PAXBP1: variants seen among roughly 807,000 people sequenced by gnomAD.
PAXBP1 encodes PAX3- and PAX7-binding protein 1.
Under a neutral mutation model 119.9 loss-of-function variants are expected in PAXBP1, and 44 were observed. The observed-to-expected ratio is 0.37, with a 90% confidence interval of 0.29 to 0.47. PAXBP1 has a LOEUF of 0.47. Among genes scored for constraint, PAXBP1 ranks in the 20% least tolerant of loss-of-function variants. PAXBP1 has a pLI of 0.99. For synonymous variants in PAXBP1, 393 were observed against 406.6 expected, an observed-to-expected ratio of 0.97 and a Z score of 0.40; for missense variants, 898 against 1,134.1, an observed-to-expected ratio of 0.79 and a Z score of 2.99.
In PAXBP1 at chr21:32,764,490, C is replaced by T; in HGVS notation, c.507G>A (p.Lys169=). 6.2e-7 allele frequency: 1 copy of T among 1,613,124 alleles called. No individual in the cohort carries two copies. The highest frequency in any genetic ancestry group is 1.1e-5 in the South Asian group (1 of 90,932). ...TAACTCCATCTTCTTGATTTGTATCCTTAACATGTCCTGTTTTGTCCAAAG... is the reference window on the plus strand; with the variant it reads ...TAACTCCATCTTCTTGATTTGTATCTTTAACATGTCCTGTTTTGTCCAAAG... ...EQPLDKTGHV[K]DTNQEDGVII... is the part of the protein sequence containing the mutation. Residue 169 remains lysine (K), a synonymous_variant, in exon 3 of 18, where the codon AAG becomes AAA. Coordinates refer to ENST00000331923, the MANE Select transcript of PAXBP1 (RefSeq NM_016631.4).
intron 8 of PAXBP1, among the ~76,000 whole-genome samples, chr21:32,753,000 T>C (rs950490082): frequency 4.0e-5 from 6 of 151,870 alleles, no homozygotes; most frequent in Non-Finnish European, 5.9e-5. Context: ...AGGAAGGAGG[T>C]ATGTTCCTGA....
chr21:32,769,759 GAGAA>G (rs1367172253), intron 2 of PAXBP1, 51 bp downstream of exon 2: 1 of 1,573,138 alleles, frequency 6.4e-7, no homozygotes, highest in Non-Finnish European at 8.6e-7. Flanking sequence ...AAATCACTGT[GAGAA>G]AGAGCTTTCA....
chr21:32,745,011 C>T, intron 12 of PAXBP1, 98 bp from the exon 13 acceptor site: 1 of 1,315,954 alleles, frequency 7.6e-7, no homozygotes, highest in Non-Finnish European at 1.1e-6. Context: ...ATTTATTTTT[C>T]CTCTTTTTCT....
rs775316863 is a variant in PAXBP1, at chr21:32,764,453, G to C, written c.544C>G (p.His182Asp). ...TCCATATCCATTTCATCTTCACCAT[G>C]TTCACTGATGATAACTCCATCTTCT... Reference protein sequence around the residue: ...NQEDGVIISEHGEDEMDMESE... With the variant: ...NQEDGVIISEDGEDEMDMESE... The change falls in exon 3 of 18, where the codon CAT becomes GAT. Residue 182 changes from histidine (H) to aspartate (D), a missense_variant. By Grantham distance (81) the His-to-Asp change is moderately conservative. Transcript: ENST00000331923. The C allele has an allele frequency of 5.6e-6, 9 of 1,613,650 alleles. No individual in the cohort carries two copies. The highest frequency in any genetic ancestry group is 7.6e-6 in the Non-Finnish European group (9 of 1,179,764).
At chr21:32,755,127 TAAA>T (rs5843565) in intron 8 of PAXBP1, 100 bp downstream of exon 8, 15,691 of 949,592 alleles carry the variant, frequency 0.017, no homozygotes, top group Middle Eastern at 0.024. Context: ...ATTGTTTCTT[TAAA>T]AAAAAAAAAA....
At chr21:32,771,293 G>C in intron 1 of PAXBP1, 33 bp downstream of exon 1, 1 of 1,539,002 alleles carries the variant, frequency 6.5e-7, no homozygotes, top group Non-Finnish European at 8.7e-7. Context: ...CGGGGATGCG[G>C]CCGTCTAAGG....
At chr21:32,762,746 C>A (rs1331204200) in intron 3 of PAXBP1, among the ~76,000 whole-genome samples, 1 of 151,402 alleles carries the variant, frequency 6.6e-6, no homozygotes, top group Admixed American at 6.6e-5. Flanking sequence ...TGGTGAAACC[C>A]CATCTCTACA....
chr21:32,759,874 TGGCATCTGATGATCCATA>T lies in PAXBP1; in HGVS notation c.1078_1095del (p.Tyr360_Ala365del), dbSNP rs764344510. ...ACTGTATTATCTGTTTTTTGAGATT[TGGCATCTGATGATCCATA>T]GGCCGTATAACTATAAGGAATGCCA... On this transcript the variant is annotated inframe_deletion, in exon 6 of 18. Coordinates refer to ENST00000331923, the MANE Select transcript of PAXBP1 (RefSeq NM_016631.4). The T allele has an allele frequency of 1.5e-5, 25 of 1,613,810 alleles. No individual in the cohort carries two copies. Among genetic ancestry groups the T allele is most frequent in the Non-Finnish European group, 2.1e-5 (25 of 1,179,784 alleles).
chr21:32,770,148 A>G (rs1273911503), intron 1 of PAXBP1, among the ~76,000 whole-genome samples: 1 of 152,204 alleles, frequency 6.6e-6, no homozygotes, highest in East Asian at 1.9e-4. Flanking sequence ...GATTTTTGAG[A>G]CTTTTTAAAG....
chr21:32,742,890 A>C, intron 15 of PAXBP1: 1 of 433,370 alleles, frequency 2.3e-6, no homozygotes. Context: ...AAAACAGTAT[A>C]TATAGGGTTC....
rs562143504 is a variant in PAXBP1 at position 32,760,596 on chromosome 21, C to CA, written c.975+462dup. 2.8e-4 allele frequency among the ~76,000 whole-genome samples: 43 copies of CA among 152,210 alleles called. No individual in the cohort carries two copies. In the East Asian group the frequency reaches 8.1e-3, roughly 29 times the overall value. On this transcript the variant is annotated intron_variant, in intron 5 of 17. Coordinates refer to ENST00000331923, the MANE Select transcript of PAXBP1 (RefSeq NM_016631.4). ...AGTCCAAAAAAATAAGCTACACGCA[C>CA]AAAAACATTCCATTTAAAGCAATGG... is the stretch of plus-strand genomic sequence containing the variant.
intron 11 of PAXBP1, among the ~76,000 whole-genome samples, chr21:32,746,808 C>G (rs549070625): frequency 1.3e-5 from 2 of 152,242 alleles, no homozygotes; most frequent in South Asian, 2.1e-4. Flanking sequence ...CAGCACTATT[C>G]ACAATAGCAA....
chr21:32,754,701 TA>T (rs1346513116), intron 8 of PAXBP1, among the ~76,000 whole-genome samples: 1 of 152,142 alleles, frequency 6.6e-6, no homozygotes, highest in Admixed American at 6.5e-5. Flanking sequence ...GAGAAACATT[TA>T]AAAAGAAATT....
chr21:32,767,835 T>G (rs564391747), intron 2 of PAXBP1, among the ~76,000 whole-genome samples: 10 of 152,342 alleles, frequency 6.6e-5, no homozygotes, highest in African/African-American at 1.7e-4. Context: ...GAAAACAGAC[T>G]TAATACAACA....
intron 2 of PAXBP1, among the ~76,000 whole-genome samples, chr21:32,766,984 T>C (rs540638161): frequency 6.6e-6 from 1 of 152,282 alleles, no homozygotes; most frequent in Non-Finnish European, 1.5e-5. Flanking sequence ...CTTTGGTAAA[T>C]CCCTTCCTCT....
rs1486150569 is a variant in PAXBP1, at chr21:32,739,183, G to A, written c.2335-864C>T. Reference sequence around the variant, plus strand: ...TTCTCCCAAGAATGATACATAGCTAGTACTGTTACAGATGCAGGGGAAAAA... The same window carrying A: ...TTCTCCCAAGAATGATACATAGCTAATACTGTTACAGATGCAGGGGAAAAA... On this transcript the variant is annotated intron_variant, in intron 15 of 17. Coordinates refer to ENST00000331923, the MANE Select transcript of PAXBP1 (RefSeq NM_016631.4). Among the ~76,000 whole-genome samples, 7 of 152,222 alleles carry A rather than the reference G, an allele frequency of 4.6e-5. No individual in the cohort carries two copies. In the East Asian group the frequency reaches 1.2e-3, roughly 25 times the overall value.
chr21:32,760,024 C>A lies in PAXBP1; in HGVS notation c.976-30G>T, dbSNP rs1320924795. On this transcript the variant is annotated intron_variant, in intron 5 of 17. Transcript: ENST00000331923. ...AAAAGAAATGGGATATAGATGAAAT[C>A]TGGTAGTTAAAACTTTGAAAATAAT... 5 of 1,550,624 alleles carry A rather than the reference C, an allele frequency of 3.2e-6. No homozygotes were observed. The Admixed American group carries it at 7.3e-5, about 23-fold the overall frequency.
In PAXBP1 at chr21:32,739,931, G is replaced by A. The variant is rs549804052; in HGVS notation, c.2335-1612C>T. ...ACCAGCCTAGGCAACACAAGACCTC[G>A]TCTCTTTAAAAAAAAAAAAAAAAAA... On this transcript the variant is annotated intron_variant, in intron 15 of 17. Coordinates refer to ENST00000331923, the MANE Select transcript of PAXBP1 (RefSeq NM_016631.4). 2.0e-3 allele frequency among the ~76,000 whole-genome samples: 179 copies of A among 88,708 alleles called. 1 individual carries two copies. The highest frequency in any genetic ancestry group is 8.4e-3 in the African/African-American group (170 of 20,136). 58.2% of individuals were successfully genotyped at this position (88,708 alleles called of 152,430 possible).
rs532610522 is a variant in PAXBP1 at position 32,769,713 on chromosome 21, A to G, written c.472+101T>C. On this transcript the variant is annotated intron_variant, in intron 2 of 17. Transcript: ENST00000331923. ...TACTCAATAAGGGCCCTTGACAACC[A>G]CAGGGTCCACTGAATGAGTTCAGAA... is the stretch of plus-strand genomic sequence containing the variant. 2.0e-4 allele frequency: 250 copies of G among 1,255,602 alleles called. 1 individual carries two copies. The East Asian group carries it at 6.1e-3, about 31-fold the overall frequency. 77.8% of individuals were successfully genotyped at this position (1,255,602 alleles called of 1,614,324 possible).
Sources: gnomAD v4.1 joint callset for allele counts (sites outside exome capture counted in the v4.1 genomes callset) on GRCh38, gnomAD v4.1.1 for gene constraint, MANE v1.5 for transcripts, NCBI Gene and HGNC (gene_info 2026-07-23, HGNC 2026-07-21) for gene names.